Variants in DNM3 observed in about 807,000 individuals in gnomAD.
DNM3 encodes dynamin-3.
DNM3 carries 47 observed loss-of-function variants against 101.6 expected under a neutral mutation model. That is an observed-to-expected ratio of 0.46 (90% confidence interval 0.37 to 0.59). The LOEUF (loss-of-function observed/expected upper bound fraction) is 0.59, where lower values mean the gene tolerates loss of function less well. Ranked by LOEUF, DNM3 falls within the 20% of genes least tolerant of loss-of-function variation. The pLI, the probability that DNM3 is intolerant of heterozygous loss-of-function variation, is 0.00. For synonymous variants in DNM3, 385 were observed against 387.9 expected (o/e 0.99, Z 0.09); for missense variants, 849 against 1,085.7 (o/e 0.78, Z 3.06).
chr1:171,945,728 C>A (rs2042132335), intron 2 of DNM3, among the ~76,000 whole-genome samples: 1 of 151,954 alleles, frequency 6.6e-6, no homozygotes, highest in Admixed American at 6.5e-5. Context: ...AAACAAGAGA[C>A]AAGAGGCTAA....
At chr1:172,326,336 C>G (rs1249252017) in intron 17 of DNM3, among the ~76,000 whole-genome samples, 1 of 152,132 alleles carries the variant, frequency 6.6e-6, no homozygotes, top group Non-Finnish European at 1.5e-5. Flanking sequence ...AGGGTAGAGT[C>G]TATCTCCTCC....
At chr1:171,979,597 G>C (rs1374087660) in intron 2 of DNM3, among the ~76,000 whole-genome samples, 1 of 152,178 alleles carries the variant, frequency 6.6e-6, no homozygotes, top group Non-Finnish European at 1.5e-5. Flanking sequence ...TTGGATACTT[G>C]TGGTAGAATA....
rs139014992 is a variant in DNM3, at chr1:172,112,614, T to A, written c.1546-18561T>A. Among the ~76,000 whole-genome samples the A allele has an allele frequency of 2.6e-5, 4 of 152,322 alleles. No individual in the cohort carries two copies. The East Asian group carries it at 5.8e-4, about 22-fold the overall frequency. ...AACCAATTCCTGAATGTCAAAGGAATTGCTTTTTTTCCAGTGATAAAAATC... is the reference window on the plus strand; with the variant it reads ...AACCAATTCCTGAATGTCAAAGGAAATGCTTTTTTTCCAGTGATAAAAATC... On this transcript the variant is annotated intron_variant, in intron 13 of 20. Transcript: ENST00000627582.
intron 2 of DNM3, among the ~76,000 whole-genome samples, chr1:171,980,151 C>CTTT (rs35057661): frequency 0.16 from 21,496 of 138,030 alleles, 1,945 homozygotes; most frequent in South Asian, 0.25. Context: ...TTTAGATTTC[C>CTTT]TTTTTTTTTT....
At chr1:172,262,354 G>C (rs1043537019) in intron 15 of DNM3, among the ~76,000 whole-genome samples, 1 of 152,180 alleles carries the variant, frequency 6.6e-6, no homozygotes, top group Admixed American at 6.5e-5. Flanking sequence ...GTAGAATGCA[G>C]CTTGGTGGGG....
Position 172,017,755 on chromosome 1 carries a change from G to A in DNM3, c.590-14647G>A, listed in dbSNP as rs192157795. On this transcript the variant is annotated intron_variant, in intron 4 of 20. Coordinates refer to ENST00000627582, the MANE Select transcript of DNM3 (RefSeq NM_015569.5). ...TTAGTTCGACTATGTCCTTCCTTAC[G>A]GATTTTCTGCTTGCTGGATCTATCC... Among the ~76,000 whole-genome samples the A allele has an allele frequency of 2.6e-5, 4 of 152,096 alleles. No homozygotes were observed. The East Asian group carries it at 5.8e-4, about 22-fold the overall frequency.
intron 1 of DNM3, among the ~76,000 whole-genome samples, chr1:171,919,550 C>T (rs1411275692): frequency 6.6e-6 from 1 of 152,082 alleles, no homozygotes; most frequent in African/African-American, 2.4e-5. Flanking sequence ...TGGAGTTTTG[C>T]TTTTTTCCCT....
intron 10 of DNM3, among the ~76,000 whole-genome samples, chr1:172,055,729 T>A (rs1450840863): frequency 1.3e-5 from 2 of 152,170 alleles, no homozygotes; most frequent in Non-Finnish European, 2.9e-5. Flanking sequence ...TGAAGTAGGA[T>A]GAAGGAAAAT....
intron 1 of DNM3, among the ~76,000 whole-genome samples, chr1:171,868,161 C>A (rs1472983945): frequency 6.6e-6 from 1 of 152,184 alleles, no homozygotes; most frequent in African/African-American, 2.4e-5. Flanking sequence ...ATCCCCCATG[C>A]TACTAAGAGT....
chr1:172,189,095 C>T (rs983737026), intron 14 of DNM3, among the ~76,000 whole-genome samples: 1 of 152,144 alleles, frequency 6.6e-6, no homozygotes, highest in Admixed American at 6.6e-5. Context: ...ATAGTTCTTT[C>T]AGCATCTTTT....
intron 10 of DNM3, among the ~76,000 whole-genome samples, chr1:172,057,117 A>T (rs1337087859): frequency 6.6e-6 from 1 of 152,186 alleles, no homozygotes; most frequent in East Asian, 1.9e-4. Context: ...AAGTGAATGA[A>T]ATGAAGCGAG....
intron 7 of DNM3, among the ~76,000 whole-genome samples, chr1:172,039,430 C>T (rs575024583): frequency 5.9e-4 from 90 of 151,862 alleles, no homozygotes; most frequent in African/African-American, 2.1e-3. Flanking sequence ...CCTATATTTC[C>T]TCATTAAAAA....
chr1:172,297,010 GCA>G (rs2064194882), intron 15 of DNM3, among the ~76,000 whole-genome samples: 1 of 152,068 alleles, frequency 6.6e-6, no homozygotes, highest in Admixed American at 6.6e-5. Flanking sequence ...GGGCCTTGTG[GCA>G]TGTTCCTGTA....
At chr1:171,983,757 T>C (rs1321679745) in intron 2 of DNM3, among the ~76,000 whole-genome samples, 2 of 152,182 alleles carry the variant, frequency 1.3e-5, no homozygotes, top group African/African-American at 4.8e-5. Context: ...AGCTGCCCTT[T>C]CCTCAAGCAC....
At chr1:171,920,223 C>T (rs765503088) in intron 1 of DNM3, among the ~76,000 whole-genome samples, 6 of 152,168 alleles carry the variant, frequency 3.9e-5, no homozygotes, top group Non-Finnish European at 8.8e-5. Context: ...CAGCTAAACA[C>T]TTGGGTTTTG....
chr1:172,226,440 G>A (rs1418951439), intron 14 of DNM3, among the ~76,000 whole-genome samples: 1 of 152,094 alleles, frequency 6.6e-6, no homozygotes, highest in Non-Finnish European at 1.5e-5. Flanking sequence ...TCCACATCAG[G>A]ACATATTGTA....
chr1:172,323,400 TG>T, intron 17 of DNM3, 60 bp downstream of exon 17: 1 of 1,567,510 alleles, frequency 6.4e-7, no homozygotes, highest in Non-Finnish European at 8.7e-7. Flanking sequence ...CGCTCCTGCA[TG>T]TCTTGACAAG....
intron 2 of DNM3, 43 bp from the exon 3 acceptor site, chr1:171,987,613 A>T: frequency 6.6e-7 from 1 of 1,509,494 alleles, no homozygotes; most frequent in Non-Finnish European, 8.8e-7. Context: ...TATGGCAAAA[A>T]TGCATGAATT....
At chr1:171,988,862 C>G (rs2045451897) in intron 3 of DNM3, 83 bp from the exon 4 acceptor site, 1 of 1,243,494 alleles carries the variant, frequency 8.0e-7, no homozygotes, top group Non-Finnish European at 1.1e-6. Context: ...AAGTAGAAGG[C>G]TGAGCTAAGT....
Sources: allele counts gnomAD v4.1 joint callset (sites outside exome capture counted in the v4.1 genomes callset), GRCh38; gene constraint gnomAD v4.1.1; transcripts MANE v1.5; gene names NCBI Gene and HGNC (gene_info 2026-07-23, HGNC 2026-07-21).